Variants in VPS13D observed in about 807,000 individuals in gnomAD.
VPS13D encodes the protein intermembrane lipid transfer protein VPS13D.
A neutral mutation model predicts 461.9 loss-of-function variants in VPS13D; 187 were observed. That is an observed-to-expected ratio of 0.40 (90% CI 0.36 to 0.46). The LOEUF (loss-of-function observed/expected upper bound fraction) is 0.46, where lower values mean the gene tolerates loss of function less well. VPS13D is among the 20% of genes least tolerant of loss of function. VPS13D has a pLI of 0.60. For synonymous variants in VPS13D, 1,951 were observed against 1,986.3 expected (o/e 0.98, Z 0.47); for missense variants, 4,711 against 5,364.9 (o/e 0.88, Z 3.81).
At chr1:12,438,500 C>T (rs1419992707) in intron 65 of VPS13D, among the ~76,000 whole-genome samples, 1 of 152,206 alleles carries the variant, frequency 6.6e-6, no homozygotes, top group Non-Finnish European at 1.5e-5. Flanking sequence ...CACACTGAGA[C>T]AGCACATAAC....
At chr1:12,358,253 C>T (rs916152818) in intron 49 of VPS13D, among the ~76,000 whole-genome samples, 11 of 152,214 alleles carry the variant, frequency 7.2e-5, no homozygotes, top group Non-Finnish European at 1.6e-4. Context: ...ATTTCACACA[C>T]TGTTGTACTG....
intron 7 of VPS13D, among the ~76,000 whole-genome samples, chr1:12,255,407 T>C (rs1640886436): frequency 6.6e-6 from 1 of 152,208 alleles, no homozygotes. Flanking sequence ...ATATAGCATT[T>C]ATTTAAGAAA....
At position 12,261,889 on chromosome 1, in the gene VPS13D, C is replaced by A; in HGVS notation, c.1415-12C>A. 1 of 1,596,014 alleles carries A rather than the reference C, an allele frequency of 6.3e-7. No homozygotes were observed. Among genetic ancestry groups the A allele is most frequent in the South Asian group, 1.1e-5 (1 of 88,708 alleles). On this transcript the variant is annotated splice_polypyrimidine_tract_variant and intron_variant, in intron 12 of 69. Coordinates refer to ENST00000620676, the MANE Select transcript of VPS13D (RefSeq NM_015378.4). ...CGTTTTTTCTTACAGTCTTTTCTCC[C>A]TTACCATTTAGGCACTGAGGAGTTT...
At chr1:12,247,627 A>G (rs948198537) in intron 5 of VPS13D, among the ~76,000 whole-genome samples, 4 of 152,026 alleles carry the variant, frequency 2.6e-5, no homozygotes, top group African/African-American at 9.7e-5. Context: ...AAGGATACTG[A>G]ATATTTTTCC....
intron 30 of VPS13D, among the ~76,000 whole-genome samples, chr1:12,317,298 A>G (rs1202231665): frequency 6.6e-6 from 1 of 151,988 alleles, no homozygotes; most frequent in Non-Finnish European, 1.5e-5. Flanking sequence ...AATATTCTTC[A>G]TTTTATAAGT....
In VPS13D at chr1:12,262,095, A is replaced by G. The variant is rs1175408476; in HGVS notation, c.1594+15A>G. The G allele has an allele frequency of 6.9e-6, 11 of 1,598,882 alleles. No homozygotes were observed. Among genetic ancestry groups the G allele is most frequent in the Admixed American group, 1.7e-5 (1 of 59,008 alleles). On this transcript the variant is annotated intron_variant, in intron 13 of 69. Transcript: ENST00000620676. The stretch of plus-strand genomic sequence containing the variant: ...CGAGTTTTCAGGTACACTGCCCCCA[A>G]GAAACTACCTGCCACTGTTGTCTCT...
intron 67 of VPS13D, among the ~76,000 whole-genome samples, chr1:12,466,588 C>T (rs535650824): frequency 6.6e-6 from 1 of 152,298 alleles, no homozygotes; most frequent in Admixed American, 6.5e-5. Flanking sequence ...CCTGTGGCTC[C>T]TGCCTCATAC....
At chr1:12,416,954 C>A in intron 65 of VPS13D, 127 bp downstream of exon 65, 2 of 1,090,708 alleles carry the variant, frequency 1.8e-6, no homozygotes, top group African/African-American at 1.6e-5. Flanking sequence ...TGCCCACATG[C>A]CTTGCCTTTT....
At chr1:12,370,797 G>A (rs1644105141) in intron 54 of VPS13D, among the ~76,000 whole-genome samples, 1 of 152,198 alleles carries the variant, frequency 6.6e-6, no homozygotes, top group South Asian at 2.1e-4. Flanking sequence ...TTCTCCTTAT[G>A]TTCTATAAAT....
In VPS13D at chr1:12,327,760, C is replaced by A. The variant is rs1643228738; in HGVS notation, c.8103C>A (p.Ile2701=). The A allele has an allele frequency of 1.2e-5, 19 of 1,614,178 alleles. No homozygotes were observed. The highest frequency in any genetic ancestry group is 1.6e-5 in the Non-Finnish European group (19 of 1,180,032). ...DSPGAVAAPL[I]SGVEIKAESV... Reference sequence around the variant, plus strand: ...CAGGGGCTGTGGCAGCGCCATTGATCTCTGGCGTGGAGATCAAAGCTGAGA... The same window carrying A: ...CAGGGGCTGTGGCAGCGCCATTGATATCTGGCGTGGAGATCAAAGCTGAGA... Residue 2701 remains isoleucine, a synonymous_variant, in exon 36 of 70, where the codon ATC becomes ATA. Transcript: ENST00000620676.
rs201857611 is a variant in VPS13D at position 12,244,597 on chromosome 1, A to G, written c.427A>G (p.Arg143Gly). The G allele has an allele frequency of 1.3e-5, 21 of 1,614,214 alleles. No homozygotes were observed. The East Asian group carries it at 4.2e-4, about 33-fold the overall frequency. Residue 143 changes from arginine (R) to glycine (G), a missense_variant, in exon 5 of 70, where the codon AGG (arginine) becomes GGG (glycine). Physicochemically the swap from Arg to Gly is moderately radical, Grantham distance 125. Coordinates refer to ENST00000620676, the MANE Select transcript of VPS13D (RefSeq NM_015378.4). ...WYSVTASVVT[R>G]IVENIELKIQ... ...TTCAGTTACCGCCTCCGTAGTTACA[A>G]GGATTGTGGAGAATATTGAAGTAAG...
At chr1:12,323,932 C>A (rs1643111301) in intron 35 of VPS13D, 152 bp downstream of exon 35, 3 of 757,016 alleles carry the variant, frequency 4.0e-6, no homozygotes, top group Non-Finnish European at 4.3e-6. Flanking sequence ...CATCTTAGGT[C>A]AGTAATAATA....
intron 65 of VPS13D, among the ~76,000 whole-genome samples, chr1:12,427,376 C>T (rs1644936504): frequency 6.6e-6 from 1 of 151,502 alleles, no homozygotes; most frequent in Non-Finnish European, 1.5e-5. Context: ...AGAGCTTTTG[C>T]ACTTCTTCCT....
Position 12,356,459 on chromosome 1 carries a change from G to A in VPS13D, c.9933G>A (p.Glu3311=). The change falls in exon 49 of 70, where the codon GAG becomes GAA. Residue 3311 remains glutamate, a synonymous_variant. Coordinates refer to ENST00000620676, the MANE Select transcript of VPS13D (RefSeq NM_015378.4). ...CAGATGCTGCAGGCCAGTTTGAGGAGCATGAGCTGGCCCGTAGCCTGAGTC... is the reference window on the plus strand; with the variant it reads ...CAGATGCTGCAGGCCAGTTTGAGGAACATGAGCTGGCCCGTAGCCTGAGTC... The part of the protein sequence containing the change: ...AKTDAAGQFE[E]HELARSLSPL... 6.2e-7 allele frequency: 1 copy of A among 1,614,108 alleles called. No individual in the cohort carries two copies. The highest frequency in any genetic ancestry group is 1.1e-5 in the South Asian group (1 of 91,070).
At chr1:12,262,412 A>C (rs1641139272) in intron 13 of VPS13D, among the ~76,000 whole-genome samples, 1 of 152,244 alleles carries the variant, frequency 6.6e-6, no homozygotes, top group Non-Finnish European at 1.5e-5. Context: ...AGTTATACAC[A>C]TTCAGTAGAA....
At chr1:12,446,054 T>C (rs769520506) in intron 65 of VPS13D, among the ~76,000 whole-genome samples, 1 of 152,168 alleles carries the variant, frequency 6.6e-6, no homozygotes, top group Non-Finnish European at 1.5e-5. Flanking sequence ...TTAGAAACAA[T>C]AGCTTAGTTT....
At position 12,253,708 on chromosome 1, in the gene VPS13D, C is replaced by G. The variant is rs1354031428; in HGVS notation, c.565-14C>G. On this transcript the variant is annotated splice_polypyrimidine_tract_variant and intron_variant, in intron 6 of 69. Coordinates refer to ENST00000620676, the MANE Select transcript of VPS13D (RefSeq NM_015378.4). ...ACAGTCATCCTATTTTCTTCTTTGT[C>G]TTTTTTACCTCAGGTACAGAAACTA... 1 of 1,599,004 alleles carries G rather than the reference C, an allele frequency of 6.3e-7. No individual in the cohort carries two copies. The highest frequency in any genetic ancestry group is 8.6e-7 in the Non-Finnish European group (1 of 1,166,660).
In VPS13D at chr1:12,378,401, C is replaced by G. The variant is rs770483762; in HGVS notation, c.10918-27C>G. ...CTGTGGCTGCCCATAATGGCTCTTT[C>G]TCTTTTTGCTTGTACCTACTTAACA... is the stretch of plus-strand genomic sequence containing the variant. On this transcript the variant is annotated intron_variant, in intron 55 of 69. Coordinates refer to ENST00000620676, the MANE Select transcript of VPS13D (RefSeq NM_015378.4). 5.8e-6 allele frequency: 9 copies of G among 1,555,260 alleles called. No individual in the cohort carries two copies. The African/African-American group carries it at 1.1e-4, about 19-fold the overall frequency.
chr1:12,461,822 A>G (rs1645416540), intron 67 of VPS13D, among the ~76,000 whole-genome samples: 1 of 152,226 alleles, frequency 6.6e-6, no homozygotes, highest in Non-Finnish European at 1.5e-5. Flanking sequence ...AGTTTTAATA[A>G]TGTTGACGAG....
Sources: gnomAD v4.1 joint callset for allele counts (sites outside exome capture counted in the v4.1 genomes callset) on GRCh38, gnomAD v4.1.1 for gene constraint, MANE v1.5 for transcripts, NCBI Gene and HGNC (gene_info 2026-07-23, HGNC 2026-07-21) for gene names.